The following PLA2G4A variants were observed in gnomAD, a reference collection of about 807,000 sequenced individuals.
The protein encoded by PLA2G4A is phospholipase A2 group IVA.
PLA2G4A carries 40 observed loss-of-function variants against 81.9 expected under a neutral mutation model. The ratio of observed to expected loss-of-function variants is 0.49; its 90% CI spans 0.38 to 0.64. The LOEUF is 0.64. Among genes scored for constraint, PLA2G4A ranks in the 30% least tolerant of loss-of-function variants. The probability of loss-of-function intolerance (pLI) is 0.00; values close to 1 mark genes in which losing one functional copy is unlikely to be tolerated. For missense variants in PLA2G4A, 715 were observed against 905.1 expected, an observed-to-expected ratio of 0.79 and a Z score of 2.69; for synonymous variants, 302 against 296.9, an observed-to-expected ratio of 1.02 and a Z score of -0.18.
chr1:186,911,819 C>T (rs1043543343), intron 7 of PLA2G4A, among the ~76,000 whole-genome samples: 1 of 152,032 alleles, frequency 6.6e-6, no homozygotes, highest in Non-Finnish European at 1.5e-5. Flanking sequence ...AGCAGTCCCA[C>T]GATATGCTTT....
chr1:186,847,358 G>A (rs922522696), intron 1 of PLA2G4A, among the ~76,000 whole-genome samples: 4 of 19,900 alleles, frequency 2.0e-4, no homozygotes, highest in African/African-American at 9.3e-4. Flanking sequence ...TATTTCATAC[G>A]TGTGTGTGTG....
chr1:186,927,512 G>A (rs1010636999), intron 7 of PLA2G4A, among the ~76,000 whole-genome samples: 4 of 152,122 alleles, frequency 2.6e-5, no homozygotes, highest in African/African-American at 4.8e-5. Context: ...ATACCATAAC[G>A]CGGTTGGTTG....
At chr1:186,871,196 C>T (rs536908355) in intron 3 of PLA2G4A, among the ~76,000 whole-genome samples, 6 of 152,274 alleles carry the variant, frequency 3.9e-5, no homozygotes, top group South Asian at 2.1e-4. Flanking sequence ...ATGCGATCCA[C>T]AGCCTGAGGA....
chr1:186,869,431 T>C (rs1653159288), intron 2 of PLA2G4A, among the ~76,000 whole-genome samples: 1 of 152,202 alleles, frequency 6.6e-6, no homozygotes. Context: ...GATGCTGTAC[T>C]ATAAATTGAA....
intron 1 of PLA2G4A, among the ~76,000 whole-genome samples, chr1:186,840,510 C>T (rs1651943825): frequency 6.6e-6 from 1 of 152,168 alleles, no homozygotes; most frequent in Admixed American, 6.5e-5. Flanking sequence ...ACAGTAACAC[C>T]TGGAAGCAGG....
rs1657837318 is a variant in PLA2G4A, at chr1:186,984,686, CTAATA to C, written c.2119-3688_2119-3684del. Among the ~76,000 whole-genome samples, 5 of 152,134 alleles carry C rather than the reference CTAATA, an allele frequency of 3.3e-5. No individual in the cohort carries two copies. The South Asian group carries it at 1.0e-3, about 32-fold the overall frequency. ...TAAGCTTACTATTATGTATTATTGC[CTAATA>C]TATTAGTCCATAACTCATCTATTTT... On this transcript the variant is annotated intron_variant, in intron 17 of 17. Transcript: ENST00000367466.
intron 6 of PLA2G4A, 73 bp from the exon 7 acceptor site, chr1:186,911,175 G>C: frequency 7.5e-7 from 1 of 1,334,556 alleles, no homozygotes; most frequent in Non-Finnish European, 1.1e-6. Context: ...CTAGGGACCT[G>C]GAAAAGCTAC....
intron 3 of PLA2G4A, among the ~76,000 whole-genome samples, chr1:186,878,732 T>C (rs1237695255): frequency 3.3e-5 from 5 of 151,898 alleles, no homozygotes; most frequent in Non-Finnish European, 7.4e-5. Context: ...TTAGATTTTT[T>C]TGTTTGTGTA....
chr1:186,947,007 A>G (rs532767718), intron 12 of PLA2G4A, 46 bp downstream of exon 12: 2 of 1,009,346 alleles, frequency 2.0e-6, no homozygotes, highest in African/African-American at 3.2e-5. Context: ...TGCTACATTG[A>G]TAAAGTTTAT....
chr1:186,936,658 C>G (rs1372733669), intron 8 of PLA2G4A, among the ~76,000 whole-genome samples: 1 of 151,870 alleles, frequency 6.6e-6, no homozygotes, highest in African/African-American at 2.4e-5. Flanking sequence ...TTCAGCAAGT[C>G]CTGGTAGTTA....
At chr1:186,857,338 TTA>T (rs774578726) in intron 2 of PLA2G4A, among the ~76,000 whole-genome samples, 1,735 of 122,042 alleles carry the variant, frequency 0.014, 18 homozygotes, top group Non-Finnish European at 0.021. Context: ...AAATATAATA[TTA>T]TATATATTAT....
intron 2 of PLA2G4A, among the ~76,000 whole-genome samples, chr1:186,868,071 C>CT (rs59978011): frequency 0.18 from 20,643 of 112,100 alleles, 2,528 homozygotes; most frequent in African/African-American, 0.29. Flanking sequence ...GTGTATAATT[C>CT]TTTTTTTTTT....
At chr1:186,834,887 A>C (rs892366056) in intron 1 of PLA2G4A, among the ~76,000 whole-genome samples, 1 of 152,162 alleles carries the variant, frequency 6.6e-6, no homozygotes, top group African/African-American at 2.4e-5. Flanking sequence ...CATTTGTATC[A>C]AAATGGTTAC....
At chr1:186,849,934 C>A (rs1652314029) in intron 1 of PLA2G4A, among the ~76,000 whole-genome samples, 1 of 151,962 alleles carries the variant, frequency 6.6e-6, no homozygotes, top group Non-Finnish European at 1.5e-5. Context: ...AAGTTACAGC[C>A]CTGAGTGGGA....
At chr1:186,838,011 C>A (rs1473068041) in intron 1 of PLA2G4A, among the ~76,000 whole-genome samples, 1 of 152,016 alleles carries the variant, frequency 6.6e-6, no homozygotes, top group African/African-American at 2.4e-5. Context: ...TTTCTGCTTT[C>A]TCAGTGAAGG....
In PLA2G4A at chr1:186,894,210, A is replaced by G. The variant is rs1654254344; in HGVS notation, c.377A>G (p.Gln126Arg). 1 of 1,055,494 alleles carries G rather than the reference A, an allele frequency of 9.5e-7. No homozygotes were observed. 65.4% of individuals were successfully genotyped at this position (1,055,494 alleles called of 1,614,324 possible). A position where few individuals can be genotyped will look rare whatever the true frequency, so the allele number is the denominator to read the frequency against. Residue 126 changes from glutamine to arginine, a missense_variant and splice_region_variant, in exon 5 of 18, where the codon CAA becomes CGA. Gln to Arg is a conservative substitution (Grantham distance 43). Coordinates refer to ENST00000367466, the MANE Select transcript of PLA2G4A (RefSeq NM_024420.3). The part of the protein sequence containing the change: ...EKKEVPFIFN[Q>R]VTEMVLEMSL... ...AAAGAAGTTCCTTTTATTTTCAACC[A>G]AGTAAGTAACACTGCAGAATTATAT...
At chr1:186,929,235 T>G (rs1042666755) in intron 7 of PLA2G4A, among the ~76,000 whole-genome samples, 1 of 152,260 alleles carries the variant, frequency 6.6e-6, no homozygotes, top group Non-Finnish European at 1.5e-5. Flanking sequence ...TATTACTTAT[T>G]AGCTATCTAT....
chr1:186,983,220 A>G (rs1571469768), intron 17 of PLA2G4A, among the ~76,000 whole-genome samples: 1 of 152,210 alleles, frequency 6.6e-6, no homozygotes, highest in Admixed American at 6.5e-5. Context: ...CCATTTGAAT[A>G]GAGTAGGGTA....
At chr1:186,834,397 A>G (rs577852243) in intron 1 of PLA2G4A, among the ~76,000 whole-genome samples, 5 of 152,164 alleles carry the variant, frequency 3.3e-5, no homozygotes, top group African/African-American at 9.6e-5. Context: ...CTTTTTTTTA[A>G]TGTCTGCCTT....
Sources: allele counts gnomAD v4.1 joint callset (sites outside exome capture counted in the v4.1 genomes callset), GRCh38; gene constraint gnomAD v4.1.1; transcripts MANE v1.5; gene names NCBI Gene and HGNC (gene_info 2026-07-23, HGNC 2026-07-21).